Variants in CFAP57 observed in about 807,000 individuals in gnomAD.
The protein encoded by CFAP57 is cilia and flagella associated protein 57.
Under a neutral mutation model 146.8 loss-of-function variants are expected in CFAP57, and 116 were observed. That is an observed-to-expected ratio of 0.79 (90% confidence interval 0.68 to 0.92). CFAP57 has a LOEUF of 0.92. CFAP57 is among the 40% of genes least tolerant of loss of function. The probability of loss-of-function intolerance (pLI) is 0.00; values close to 1 mark genes in which losing one functional copy is unlikely to be tolerated. For synonymous variants in CFAP57, 518 were observed against 552.8 expected (o/e 0.94, Z 0.88); for missense variants, 1,377 against 1,527.2 (o/e 0.90, Z 1.64).
At chr1:43,192,191 T>C (rs1643576905) in intron 6 of CFAP57, among the ~76,000 whole-genome samples, 1 of 152,220 alleles carries the variant, frequency 6.6e-6, no homozygotes, top group Admixed American at 6.5e-5. Flanking sequence ...TATATGCACT[T>C]GAGAAGAATG....
Position 43,254,235 on chromosome 1 carries a change from A to G in CFAP57, c.*44A>G. The G allele has an allele frequency of 6.7e-7, 1 of 1,500,518 alleles. No individual in the cohort carries two copies. Among genetic ancestry groups the G allele is most frequent in the Non-Finnish European group, 9.0e-7 (1 of 1,114,124 alleles). 93.0% of individuals were successfully genotyped at this position (1,500,518 alleles called of 1,614,324 possible). On this transcript the variant is annotated 3_prime_UTR_variant, in exon 23 of 23. Transcript: ENST00000372492. ...CTCCAGCCACAGCCAGAAGAAACAC[A>G]GCATGTCTGTCCCCAAGCCAGACTT...
At chr1:43,234,788 C>T (rs1325210908) in intron 21 of CFAP57, 150 bp downstream of exon 21, 25 of 1,021,626 alleles carry the variant, frequency 2.4e-5, no homozygotes, top group Non-Finnish European at 3.2e-5. Context: ...TTTGGCTCCT[C>T]TCCTCTGAGC....
chr1:43,176,011 A>G (rs1247491149), intron 2 of CFAP57, among the ~76,000 whole-genome samples: 1 of 152,022 alleles, frequency 6.6e-6, no homozygotes, highest in East Asian at 1.9e-4. Flanking sequence ...TTCTTACTGT[A>G]TCACTTCTCT....
chr1:43,219,392 T>C lies in CFAP57; in HGVS notation c.2102T>C (p.Met701Thr). The C allele has an allele frequency of 4.5e-6, 7 of 1,550,342 alleles. No homozygotes were observed. Among genetic ancestry groups the C allele is most frequent in the Non-Finnish European group, 6.1e-6 (7 of 1,146,740 alleles). ...GTCCTTCTCCCAAAGGCTCAGGTTA[T>C]GTTGGAGCTAAAGACTCGTGTGGAG... ...KTDMEEKAQV[M>T]LELKTRVEEL... The change falls in exon 13 of 23, where the codon ATG becomes ACG. Residue 701 changes from methionine (M) to threonine (T), a missense_variant. Physicochemically the swap from Met to Thr is moderately conservative, Grantham distance 81. Transcript: ENST00000372492.
chr1:43,211,121 G>A (rs1644590520), intron 11 of CFAP57, among the ~76,000 whole-genome samples: 1 of 152,022 alleles, frequency 6.6e-6, no homozygotes, highest in African/African-American at 2.4e-5. Flanking sequence ...ATTAAGAAAA[G>A]GTTTCTCATT....
intron 16 of CFAP57, 24 bp downstream of exon 16, chr1:43,223,021 C>T (rs1277843328): frequency 1.3e-6 from 2 of 1,536,466 alleles, no homozygotes; most frequent in Non-Finnish European, 1.8e-6. Context: ...CTCCAAGAGA[C>T]CTAGGGTGGG....
intron 18 of CFAP57, among the ~76,000 whole-genome samples, chr1:43,231,238 A>G (rs1227834001): frequency 6.6e-6 from 1 of 152,172 alleles, no homozygotes; most frequent in Admixed American, 6.5e-5. Flanking sequence ...TGTCTAGAAC[A>G]TGGATGTGTT....
At chr1:43,248,490 T>TC (rs1178438439) in intron 22 of CFAP57, among the ~76,000 whole-genome samples, 2 of 150,740 alleles carry the variant, frequency 1.3e-5, no homozygotes, top group African/African-American at 4.9e-5. Flanking sequence ...GCTAATTTTT[T>TC]TTTGTATTTT....
At chr1:43,221,921 T>G (rs1417239962) in intron 14 of CFAP57, among the ~76,000 whole-genome samples, 184 bp from the exon 15 acceptor site, 4 of 152,138 alleles carry the variant, frequency 2.6e-5, no homozygotes, top group Non-Finnish European at 5.9e-5. Flanking sequence ...GGAGTTTGGC[T>G]ACCTGATGAG....
chr1:43,251,520 G>A (rs1053039856), intron 22 of CFAP57, among the ~76,000 whole-genome samples: 1 of 152,092 alleles, frequency 6.6e-6, no homozygotes, highest in African/African-American at 2.4e-5. Context: ...AGAGAAGAAG[G>A]GTAAATTTCT....
Position 43,238,478 on chromosome 1 carries a change from C to A in CFAP57, c.3405+3840C>A, listed in dbSNP as rs1645786203. Among the ~76,000 whole-genome samples the A allele has an allele frequency of 6.6e-6, 1 of 152,130 alleles. No individual in the cohort carries two copies. Among genetic ancestry groups the A allele is most frequent in the Non-Finnish European group, 1.5e-5 (1 of 68,028 alleles). ...TGGTGGACCCCAGGTCAGATTTCCT[C>A]TGCAGCTGTGTAGACCTGGGTGGGG... On this transcript the variant is annotated intron_variant, in intron 21 of 22. Transcript: ENST00000372492. This position sits in a 1 kb window ranked among gnomAD's most constrained non-coding sequence, Gnocchi z 4.3.
chr1:43,207,227 T>C (rs1035880226), intron 10 of CFAP57, among the ~76,000 whole-genome samples: 2 of 152,230 alleles, frequency 1.3e-5, no homozygotes, highest in African/African-American at 4.8e-5. Context: ...ATGGAGGTCA[T>C]GTCATCTCTA....
Position 43,181,589 on chromosome 1 carries a change from C to T in CFAP57, c.213C>T (p.Tyr71=). 1 of 1,614,210 alleles carries T rather than the reference C, an allele frequency of 6.2e-7. No homozygotes were observed. Among genetic ancestry groups the T allele is most frequent in the Non-Finnish European group, 8.5e-7 (1 of 1,180,034 alleles). Residue 71 remains tyrosine, a synonymous_variant, in exon 3 of 23, where the codon TAC becomes TAT. Coordinates refer to ENST00000372492, the MANE Select transcript of CFAP57 (RefSeq NM_001378189.1). ...TGTCCATCAGTCCCAATCGGCGGTA[C>T]CTCGCTATCTCTGAGACTGTGCAAG... The part of the protein sequence containing the change: ...LALSISPNRR[Y]LAISETVQEK...
chr1:43,172,912 T>G lies in CFAP57; in HGVS notation c.157+2T>G. 6.2e-7 allele frequency: 1 copy of G among 1,613,598 alleles called. No individual in the cohort carries two copies. The highest frequency in any genetic ancestry group is 1.3e-5 in the African/African-American group (1 of 75,038). The stretch of plus-strand genomic sequence containing the variant: ...AGAAATGGCAAAAATTCATTCCAGG[T>G]AAAACTTTTTCCATCCTGACATATA... On this transcript the variant is annotated splice_donor_variant, in intron 2 of 22. Transcript: ENST00000372492. LOFTEE classifies it high-confidence loss of function.
In CFAP57 at chr1:43,198,648, T is replaced by TA. The variant is rs10711519; in HGVS notation, c.1428+12dup. ...TACTCTGTTAGAGGATGCGGAGAGG[T>TA]AAAAAAAAAACTGCTGAAGACAAAA... is the stretch of plus-strand genomic sequence containing the variant. On this transcript the variant is annotated splice_region_variant and intron_variant, in intron 8 of 22. Coordinates refer to ENST00000372492, the MANE Select transcript of CFAP57 (RefSeq NM_001378189.1). The TA allele has an allele frequency of 2.2e-3, 3,215 of 1,470,622 alleles. No individual in the cohort carries two copies. Among genetic ancestry groups the TA allele is most frequent in the East Asian group, 3.4e-3 (126 of 37,054 alleles). The allele number at this position is 1,470,622 out of a possible 1,614,324, so 91.1% of individuals were successfully genotyped here.
At chr1:43,224,351 G>A in intron 17 of CFAP57, 147 bp downstream of exon 17, 1 of 967,282 alleles carries the variant, frequency 1.0e-6, no homozygotes, top group East Asian at 2.7e-5. Flanking sequence ...AGTGCCTGTT[G>A]TGTGCTTGGC....
intron 21 of CFAP57, among the ~76,000 whole-genome samples, chr1:43,236,285 G>A (rs1039708688): frequency 2.0e-5 from 3 of 152,002 alleles, no homozygotes; most frequent in Non-Finnish European, 4.4e-5. Context: ...GCGGGTCTCC[G>A]GGTCCCTACC....
rs41308254 is a variant in CFAP57 at position 43,209,669 on chromosome 1, C to T, written c.1756-74C>T. 3.3e-3 allele frequency: 4,703 copies of T among 1,433,320 alleles called. 21 individuals are homozygous for T. The highest frequency in any genetic ancestry group is 3.2e-3 in the Non-Finnish European group (3,340 of 1,030,474). 88.8% of individuals were successfully genotyped at this position (1,433,320 alleles called of 1,614,324 possible). A position where few individuals can be genotyped will look rare whatever the true frequency, so the allele number is the denominator to read the frequency against. On this transcript the variant is annotated intron_variant, in intron 10 of 22. Transcript: ENST00000372492. The stretch of plus-strand genomic sequence containing the variant: ...CCTAGGGATCTGTTAGAGCAGAGGG[C>T]GAGAGAGTATGGCACTGGGACGTGG...
chr1:43,191,747 C>G lies in CFAP57; in HGVS notation c.1122+4888C>G, dbSNP rs79442166. On this transcript the variant is annotated intron_variant, in intron 6 of 22. Coordinates refer to ENST00000372492, the MANE Select transcript of CFAP57 (RefSeq NM_001378189.1). ...TGCTATTCTCTATTTCATTAATGTT[C>G]ACTCTAATCTTTACTGTTTCCTTCC... Among the ~76,000 whole-genome samples, 792 of 150,708 alleles carry G rather than the reference C, an allele frequency of 5.3e-3. 37 individuals carry two copies. The East Asian group carries it at 0.12, about 23-fold the overall frequency.
Sources: allele counts gnomAD v4.1 joint callset (sites outside exome capture counted in the v4.1 genomes callset), GRCh38; gene constraint gnomAD v4.1.1; non-coding constraint Gnocchi (gnomAD v3.1); transcripts MANE v1.5; gene names NCBI Gene and HGNC (gene_info 2026-07-23, HGNC 2026-07-21).